GTF3C1: variants seen among roughly 807,000 people sequenced by gnomAD.
GTF3C1 encodes general transcription factor IIIC subunit 1.
GTF3C1 carries 57 observed loss-of-function variants against 226.7 expected under a neutral mutation model. The ratio of observed to expected loss-of-function variants is 0.25; its 90% CI spans 0.20 to 0.31. The LOEUF (loss-of-function observed/expected upper bound fraction) is 0.31, where lower values mean the gene tolerates loss of function less well. GTF3C1 is among the 10% of genes least tolerant of loss of function. GTF3C1 has a pLI of 1.00. For missense variants in GTF3C1, 2,217 were observed against 2,776.1 expected (o/e 0.80, Z 4.53); for synonymous variants, 1,090 against 1,084.8 (o/e 1.00, Z -0.09).
intron 10 of GTF3C1, among the ~76,000 whole-genome samples, 167 bp from the exon 11 acceptor site, chr16:27,503,162 A>G (rs2088433456): frequency 6.6e-6 from 1 of 152,180 alleles, no homozygotes; most frequent in Admixed American, 6.5e-5. Context: ...CTACTCTACC[A>G]TCTCAATGCT....
In GTF3C1 at chr16:27,469,661, C is replaced by A; in HGVS notation, c.4815-111G>T. On this transcript the variant is annotated intron_variant, in intron 31 of 36. Transcript: ENST00000356183. This position sits in a 1 kb window ranked among gnomAD's most constrained non-coding sequence, Gnocchi z 4.5. ...GGCTGGGCTTCAGCAGTGGCCCCAG[C>A]AACTGGCTATGCTTCATTACCAAGG... The A allele has an allele frequency of 8.4e-7, 1 of 1,194,286 alleles. No individual in the cohort carries two copies. The highest frequency in any genetic ancestry group is 1.2e-6 in the Non-Finnish European group (1 of 835,920). The allele number at this position is 1,194,286 out of a possible 1,614,324, so 74.0% of individuals were successfully genotyped here. A position where few individuals can be genotyped will look rare whatever the true frequency, so the allele number is the denominator to read the frequency against.
At chr16:27,528,803 G>T in intron 5 of GTF3C1, 82 bp from the exon 6 acceptor site, 1 of 1,290,838 alleles carries the variant, frequency 7.7e-7, no homozygotes, top group Non-Finnish European at 1.1e-6. Context: ...ATGAACACAA[G>T]TTCAGGACCT....
chr16:27,464,947 C>T, intron 33 of GTF3C1, 111 bp from the exon 34 acceptor site: 1 of 900,428 alleles, frequency 1.1e-6, no homozygotes, highest in South Asian at 1.8e-5. Flanking sequence ...GTGCCCTGAG[C>T]AGCCCAGGCC....
Position 27,537,798 on chromosome 16 carries a change from C to T in GTF3C1, c.738G>A (p.Arg246=). ...QQHSILLLLN[R]FHVDRRSKYD... ...ACAAACCATACCTGTCCACATGAAA[C>T]CGGTTCAGTAGGAGGAGGATTGAGT... Residue 246 remains arginine (R), a synonymous_variant, in exon 4 of 37, where the codon CGG becomes CGA. Transcript: ENST00000356183. 8 of 1,611,996 alleles carry T rather than the reference C, an allele frequency of 5.0e-6. No individual in the cohort carries two copies. Among genetic ancestry groups the T allele is most frequent in the Non-Finnish European group, 6.8e-6 (8 of 1,178,262 alleles).
In GTF3C1 at chr16:27,463,534, C is replaced by A. The variant is rs970453606; in HGVS notation, c.5924+7G>T. ...CCCAGGCCCCGGAGCCAGAACCCCA[C>A]ACCCACCTTTCCCGTGCTGCCTGGG... On this transcript the variant is annotated splice_region_variant and intron_variant, in intron 35 of 36. Transcript: ENST00000356183. The surrounding 1 kb of genome is among the most constrained non-coding windows in gnomAD (Gnocchi z 4.9). 6.4e-7 allele frequency: 1 copy of A among 1,564,742 alleles called. No homozygotes were observed. The highest frequency in any genetic ancestry group is 8.8e-7 in the Non-Finnish European group (1 of 1,134,760).
At chr16:27,519,414 C>T (rs2088711449) in intron 6 of GTF3C1, among the ~76,000 whole-genome samples, 1 of 152,124 alleles carries the variant, frequency 6.6e-6, no homozygotes, top group Admixed American at 6.5e-5. Flanking sequence ...GGAGGGAGGC[C>T]TGGAAGGGAG....
In GTF3C1 at chr16:27,461,703, A is replaced by C; in HGVS notation, c.6118-141T>G. ...GGGGCACCTGAACTGGGCATGAGGC[A>C]GATGGGGATGTACCAGGAGGGTTCA... On this transcript the variant is annotated intron_variant, in intron 36 of 36. Transcript: ENST00000356183. The surrounding 1 kb of genome is among the most constrained non-coding windows in gnomAD (Gnocchi z 5.3). The C allele has an allele frequency of 1.5e-6, 1 of 653,406 alleles. No individual in the cohort carries two copies. The highest frequency in any genetic ancestry group is 1.8e-5 in the South Asian group (1 of 56,610). The allele number at this position is 653,406 out of a possible 1,614,324, so 40.5% of individuals were successfully genotyped here.
At chr16:27,518,512 T>A (rs1428628227) in intron 6 of GTF3C1, among the ~76,000 whole-genome samples, 1 of 152,278 alleles carries the variant, frequency 6.6e-6, no homozygotes, top group Non-Finnish European at 1.5e-5. Flanking sequence ...CTACTGCTTT[T>A]ACAACTCTGA....
At chr16:27,488,837 C>T (rs920530155) in intron 21 of GTF3C1, among the ~76,000 whole-genome samples, 2 of 152,228 alleles carry the variant, frequency 1.3e-5, no homozygotes, top group African/African-American at 2.4e-5. Flanking sequence ...ACCTTCTGAT[C>T]CTTCTTTAAA....
chr16:27,490,097 G>C (rs975886988), intron 19 of GTF3C1, among the ~76,000 whole-genome samples: 1 of 152,194 alleles, frequency 6.6e-6, no homozygotes, highest in Non-Finnish European at 1.5e-5. Flanking sequence ...AAAGCCCCGG[G>C]AGATGCTGGG....
chr16:27,506,156 G>T, intron 9 of GTF3C1, 40 bp from the exon 10 acceptor site: 2 of 1,154,296 alleles, frequency 1.7e-6, no homozygotes, highest in Non-Finnish European at 2.6e-6. Flanking sequence ...CAAGGGGGAG[G>T]CCAGGAGGGC....
intron 19 of GTF3C1, among the ~76,000 whole-genome samples, chr16:27,491,904 T>C (rs1431868864): frequency 3.3e-5 from 5 of 152,234 alleles, no homozygotes; most frequent in Middle Eastern, 6.8e-3. Flanking sequence ...AGCAAGGCTG[T>C]TCCCGAGCCC....
At chr16:27,484,461 T>C in intron 24 of GTF3C1, 108 bp from the exon 25 acceptor site, 1 of 716,708 alleles carries the variant, frequency 1.4e-6, no homozygotes, top group South Asian at 1.7e-5. Flanking sequence ...GCCTCCTTCC[T>C]CAGAGAATCC....
intron 8 of GTF3C1, among the ~76,000 whole-genome samples, chr16:27,508,201 G>A (rs2088516444): frequency 6.6e-6 from 1 of 152,206 alleles, no homozygotes; most frequent in African/African-American, 2.4e-5. Context: ...AGTAGAGATA[G>A]GGTTTCACCA....
chr16:27,533,162 G>T, intron 5 of GTF3C1, 129 bp downstream of exon 5: 1 of 548,532 alleles, frequency 1.8e-6, no homozygotes, highest in Non-Finnish European at 3.3e-6. Context: ...AGCAAACAAA[G>T]GAAAATCTCA....
chr16:27,462,776 C>G lies in GTF3C1; in HGVS notation c.5925-290G>C. 1.0e-5 allele frequency: 4 copies of G among 396,474 alleles called. No homozygotes were observed. Among genetic ancestry groups the G allele is most frequent in the Non-Finnish European group, 1.9e-5 (4 of 216,042 alleles). The allele number at this position is 396,474 out of a possible 1,614,324, so 24.6% of individuals were successfully genotyped here. On this transcript the variant is annotated intron_variant, in intron 35 of 36. Transcript: ENST00000356183. This position sits in a 1 kb window ranked among gnomAD's most constrained non-coding sequence, Gnocchi z 4.5. The stretch of plus-strand genomic sequence containing the variant: ...CAGGAGAGGGACAAGGGTTGTGACT[C>G]CTGGACTTGCCAGCTCTACTGGCAG...
At chr16:27,513,068 T>C (rs2088601010) in intron 6 of GTF3C1, among the ~76,000 whole-genome samples, 1 of 152,338 alleles carries the variant, frequency 6.6e-6, no homozygotes, top group African/African-American at 2.4e-5. Flanking sequence ...TAAGGCATTG[T>C]GGATTTTTGA....
chr16:27,508,501 C>T (rs574485932), intron 8 of GTF3C1, 39 bp downstream of exon 8: 2 of 1,456,314 alleles, frequency 1.4e-6, no homozygotes, highest in Non-Finnish European at 1.9e-6. Flanking sequence ...CAAGCACCTC[C>T]AAAGACAACG....
chr16:27,473,476 G>C (rs2087906666), intron 29 of GTF3C1, among the ~76,000 whole-genome samples: 1 of 152,242 alleles, frequency 6.6e-6, no homozygotes, highest in South Asian at 2.1e-4. Flanking sequence ...CACTGGCCAA[G>C]AAAAATCCCT....
Sources: gnomAD v4.1 joint callset for allele counts (sites outside exome capture counted in the v4.1 genomes callset) on GRCh38, gnomAD v4.1.1 for gene constraint, Gnocchi (gnomAD v3.1) non-coding constraint, MANE v1.5 for transcripts, NCBI Gene and HGNC (gene_info 2026-07-23, HGNC 2026-07-21) for gene names.